The following FCAMR variants were observed in gnomAD, a reference collection of about 807,000 sequenced individuals.
The protein encoded by FCAMR is high affinity immunoglobulin alpha and immunoglobulin mu Fc receptor.
Under a neutral mutation model 52.2 loss-of-function variants are expected in FCAMR, and 51 were observed. The ratio of observed to expected loss-of-function variants is 0.98; its 90% CI spans 0.78 to 1.23. The LOEUF (loss-of-function observed/expected upper bound fraction) is 1.23. Among genes scored for constraint, FCAMR ranks in the 50% most tolerant of loss-of-function variants. The pLI is 0.00. For missense variants in FCAMR, 719 were observed against 712.6 expected, an observed-to-expected ratio of 1.01 and a Z score of -0.10; for synonymous variants, 282 against 262.0, an observed-to-expected ratio of 1.08 and a Z score of -0.74.
rs928686730 is a variant in FCAMR at position 206,961,034 on chromosome 1, C to A, written c.842G>T (p.Arg281Ile). Residue 281 changes from arginine to isoleucine, a missense_variant, in exon 6 of 8, where the codon AGA becomes ATA. Transcript: ENST00000324852. ...TGGCCTGGTTGCTCCTGGGGTTCGT[C>A]TTCCCTCAGCTGAAGCTGTAGTCTT... The part of the protein sequence containing the change: ...TSKTTASAEG[R>I]RTPGATRPAA... 4.5e-6 allele frequency: 7 copies of A among 1,551,798 alleles called. No homozygotes were observed. The highest frequency in any genetic ancestry group is 4.4e-6 in the Non-Finnish European group (5 of 1,147,046).
intron 6 of FCAMR, 41 bp downstream of exon 6, chr1:206,960,381 G>C: frequency 6.8e-7 from 1 of 1,462,136 alleles, no homozygotes; most frequent in Non-Finnish European, 9.0e-7. Context: ...GGATGAGGCA[G>C]ATGTGGGGCC....
At chr1:206,967,560 G>C in intron 2 of FCAMR, 23 bp downstream of exon 2, 2 of 1,612,230 alleles carry the variant, frequency 1.2e-6, no homozygotes, top group Admixed American at 1.7e-5. Context: ...GAATCTGCAA[G>C]GGGTTGTTGT....
chr1:206,959,219 C>T (rs1381138903), intron 7 of FCAMR, among the ~76,000 whole-genome samples: 1 of 152,172 alleles, frequency 6.6e-6, no homozygotes, highest in East Asian at 1.9e-4. Flanking sequence ...CAGAGTGGCT[C>T]ACGCCTATAA....
chr1:206,967,355 G>A (rs1040780507), intron 2 of FCAMR, among the ~76,000 whole-genome samples: 2 of 152,152 alleles, frequency 1.3e-5, no homozygotes, highest in African/African-American at 4.8e-5. Context: ...TACCCTTGAG[G>A]GTTCTGTGTT....
Position 206,961,181 on chromosome 1 carries a change from TC to T in FCAMR, c.694del (p.Glu232SerfsTer4), listed in dbSNP as rs768213670. On this transcript the variant is annotated frameshift_variant, in exon 6 of 8. Coordinates refer to ENST00000324852, the MANE Select transcript of FCAMR (RefSeq NM_001170631.2). LOFTEE classifies it high-confidence loss of function. ...TLPTATPAAG[E>X]LTMRSYGTAS... ...TGTTCCATAGGATCTCATGGTGAGC[TC>T]CCCAGCAGCTGGAGTGGCTGTGGGG... 294 of 1,551,150 alleles carry T rather than the reference TC, an allele frequency of 1.9e-4. 2 individuals are homozygous for T. The East Asian group carries it at 6.2e-3, about 33-fold the overall frequency.
Position 206,967,648 on chromosome 1 carries a change from C to T in FCAMR, c.43G>A (p.Val15Met). The T allele has an allele frequency of 6.2e-7, 1 of 1,614,142 alleles. No individual in the cohort carries two copies. The change falls in exon 2 of 8, where the codon GTG (valine) becomes ATG (methionine). Residue 15 changes from valine (V) to methionine (M), a missense_variant. Val to Met is a conservative substitution (Grantham distance 21, BLOSUM62 1). Transcript: ENST00000324852. Reference sequence around the variant, plus strand: ...TCCACTTCTCTTCCTCTCCTCACCACTTCCTGTTTGCAGAAGGGGAATTGG... The same window carrying T: ...TCCACTTCTCTTCCTCTCCTCACCATTTCCTGTTTGCAGAAGGGGAATTGG... ...ATVKPGEQKE[V>M]VRRGREVDYS...
At chr1:206,959,056 G>A (rs764745337) in intron 7 of FCAMR, 298 of 439,194 alleles carry the variant, frequency 6.8e-4, no homozygotes, top group Admixed American at 1.2e-3. Flanking sequence ...CCTGCTCTCT[G>A]CTGTGAGGGT....
In FCAMR at chr1:206,958,436, A is replaced by G. The variant is rs1485266694; in HGVS notation, c.*80T>C. 9 of 1,417,368 alleles carry G rather than the reference A, an allele frequency of 6.3e-6. No individual in the cohort carries two copies. Among genetic ancestry groups the G allele is most frequent in the Non-Finnish European group, 8.5e-6 (9 of 1,059,906 alleles). 87.8% of individuals were successfully genotyped at this position (1,417,368 alleles called of 1,614,324 possible). ...TCTTCCCACAGGTGGAGGAAGGATG[A>G]TGGAAAGAGGCTGGGGTCCTGAAGG... On this transcript the variant is annotated 3_prime_UTR_variant, in exon 8 of 8. Coordinates refer to ENST00000324852, the MANE Select transcript of FCAMR (RefSeq NM_001170631.2).
rs908712010 is a variant in FCAMR, at chr1:206,960,637, T to C, written c.1239A>G (p.Ala413=). ...CTGGAGTTCCCAAGGTCCACATGCC[T>C]GCAGCTGGAGTTGTTTCTCCAATGG... ...QGSIGETTPA[A]GMWTLGTPAA... The change falls in exon 6 of 8, where the codon GCA becomes GCG. Residue 413 remains alanine (A), a synonymous_variant. Coordinates refer to ENST00000324852, the MANE Select transcript of FCAMR (RefSeq NM_001170631.2). 1 of 1,551,954 alleles carries C rather than the reference T, an allele frequency of 6.4e-7. No individual in the cohort carries two copies. Among genetic ancestry groups the C allele is most frequent in the Admixed American group, 2.0e-5 (1 of 51,010 alleles).
Position 206,959,693 on chromosome 1 carries a change from C to T in FCAMR, c.1559G>A (p.Trp520Ter), listed in dbSNP as rs1194552688. The change falls in exon 7 of 8, where the codon TGG becomes TAG. Residue 520 changes from tryptophan to a stop codon, truncating the protein, a stop_gained. Coordinates refer to ENST00000324852, the MANE Select transcript of FCAMR (RefSeq NM_001170631.2). LOFTEE classifies it low-confidence loss of function (END_TRUNC). ...MALVLLQRKL[W>*]RRRTSQEAER... ...ACTCAACTCACAGGTCCTCCTTCTCCAGAGCTTCCTTTGCAATAGAACCAG... is the reference window on the plus strand; with the variant it reads ...ACTCAACTCACAGGTCCTCCTTCTCTAGAGCTTCCTTTGCAATAGAACCAG... 3.1e-6 allele frequency: 5 copies of T among 1,613,990 alleles called. No homozygotes were observed. Among genetic ancestry groups the T allele is most frequent in the Non-Finnish European group, 4.2e-6 (5 of 1,179,948 alleles).
intron 6 of FCAMR, 168 bp downstream of exon 6, chr1:206,960,254 G>A (rs1474383687): frequency 3.1e-6 from 2 of 640,038 alleles, no homozygotes; most frequent in African/African-American, 3.7e-5. Context: ...TACTCAGGGA[G>A]CGTTCTCACA....
chr1:206,960,337 G>A (rs1680451956), intron 6 of FCAMR, 85 bp downstream of exon 6: 5 of 1,318,008 alleles, frequency 3.8e-6, no homozygotes, highest in Non-Finnish European at 4.1e-6. Context: ...GGAGAGAAGT[G>A]AGCAGAGGGA....
chr1:206,960,510 T>G lies in FCAMR; in HGVS notation c.1366A>C (p.Thr456Pro). Residue 456 changes from threonine (T) to proline (P), a missense_variant, in exon 6 of 8, where the codon ACT (threonine) becomes CCT (proline). Thr to Pro is a conservative substitution (Grantham distance 38). Transcript: ENST00000324852. ...GTTGCTTGGGGACCTCTGTCTCCAG[T>G]GGCAGCATCTAGGTCCCCTGCAGCG... ...GSAAGDLDAA[T>P]GDRGPQATLS... is the part of the protein sequence containing the mutation. 1.3e-6 allele frequency: 2 copies of G among 1,551,420 alleles called. No individual in the cohort carries two copies. The highest frequency in any genetic ancestry group is 2.7e-5 in the African/African-American group (2 of 73,152).
rs1572659336 is a variant in FCAMR at position 206,960,289 on chromosome 1, G to A, written c.1454+133C>T. On this transcript the variant is annotated intron_variant, in intron 6 of 7. Coordinates refer to ENST00000324852, the MANE Select transcript of FCAMR (RefSeq NM_001170631.2). ...AGCAAGGCCCCTTGGGTGAGGGAGG[G>A]CATCCGATGTGTATGTCACTGTCTT... The A allele has an allele frequency of 1.4e-5, 13 of 919,322 alleles. No individual in the cohort carries two copies. In the South Asian group the frequency reaches 1.9e-4, roughly 13 times the overall value. The allele number at this position is 919,322 out of a possible 1,614,324, so 56.9% of individuals were successfully genotyped here. A position where few individuals can be genotyped will look rare whatever the true frequency, so the allele number is the denominator to read the frequency against.
chr1:206,965,782 A>T lies in FCAMR; in HGVS notation c.246T>A (p.His82Gln). ...GCCTGAGTGTTCCCATGGCCCGGAG[A>T]TGGGTCCTGGAGGGGAGAGAGCCCT... is the stretch of plus-strand genomic sequence containing the variant. ...LWEGSLPSRT[H>Q]LRAMGTLRPS... The change falls in exon 4 of 8, where the codon CAT (histidine) becomes CAA (glutamine). Residue 82 changes from histidine (H) to glutamine (Q), a missense_variant. Coordinates refer to ENST00000324852, the MANE Select transcript of FCAMR (RefSeq NM_001170631.2). 6.3e-7 allele frequency: 1 copy of T among 1,580,984 alleles called. No homozygotes were observed. Among genetic ancestry groups the T allele is most frequent in the Non-Finnish European group, 8.6e-7 (1 of 1,167,954 alleles).
chr1:206,969,840 G>A (rs1009418866), intron 1 of FCAMR, among the ~76,000 whole-genome samples: 5 of 152,058 alleles, frequency 3.3e-5, no homozygotes, highest in African/African-American at 4.8e-5. Context: ...TCTTTCTAAC[G>A]TTTTTTTGGT....
intron 1 of FCAMR, 89 bp downstream of exon 1, chr1:206,969,997 AC>A: frequency 6.6e-7 from 1 of 1,522,012 alleles, no homozygotes; most frequent in Non-Finnish European, 9.1e-7. Flanking sequence ...TGGGAAGGGC[AC>A]TGAGGAGCAT....
rs956333785 is a variant in FCAMR at position 206,958,437 on chromosome 1, T to C, written c.*79A>G. ...CTTCCCACAGGTGGAGGAAGGATGA[T>C]GGAAAGAGGCTGGGGTCCTGAAGGC... On this transcript the variant is annotated 3_prime_UTR_variant, in exon 8 of 8. Coordinates refer to ENST00000324852, the MANE Select transcript of FCAMR (RefSeq NM_001170631.2). 1 of 1,424,368 alleles carries C rather than the reference T, an allele frequency of 7.0e-7. No individual in the cohort carries two copies. The highest frequency in any genetic ancestry group is 2.5e-5 in the East Asian group (1 of 40,550). 88.2% of individuals were successfully genotyped at this position (1,424,368 alleles called of 1,614,324 possible).
rs1680464170 is a variant in FCAMR at position 206,960,516 on chromosome 1, C to A, written c.1360G>T (p.Ala454Ser). 6.4e-7 allele frequency: 1 copy of A among 1,551,532 alleles called. No homozygotes were observed. Among genetic ancestry groups the A allele is most frequent in the Admixed American group, 2.0e-5 (1 of 50,990 alleles). ...GEGSAAGDLD[A>S]ATGDRGPQAT... is the part of the protein sequence containing the mutation. The stretch of plus-strand genomic sequence containing the variant: ...TGGGGACCTCTGTCTCCAGTGGCAG[C>A]ATCTAGGTCCCCTGCAGCGCTTCCT... Residue 454 changes from alanine to serine, a missense_variant, in exon 6 of 8, where the codon GCT becomes TCT. Ala to Ser is a moderately conservative substitution (Grantham distance 99). Coordinates refer to ENST00000324852, the MANE Select transcript of FCAMR (RefSeq NM_001170631.2).
Sources: gnomAD v4.1 joint callset for allele counts (sites outside exome capture counted in the v4.1 genomes callset) on GRCh38, gnomAD v4.1.1 for gene constraint, MANE v1.5 for transcripts, NCBI Gene and HGNC (gene_info 2026-07-23, HGNC 2026-07-21) for gene names.